Variants in MDH1 observed in about 807,000 individuals in gnomAD.
The protein encoded by MDH1 is malate dehydrogenase 1.
In MDH1, 15 loss-of-function variants were observed where a neutral mutation model predicts 38.7. That is an observed-to-expected ratio of 0.39 (90% CI 0.26 to 0.60). The LOEUF is 0.60. Ranked by LOEUF, MDH1 falls within the 20% of genes least tolerant of loss-of-function variation. The probability of loss-of-function intolerance (pLI) is 0.56; values close to 1 mark genes in which losing one functional copy is unlikely to be tolerated. For missense variants in MDH1, 368 were observed against 405.2 expected (o/e 0.91, Z 0.79); for synonymous variants, 144 against 143.6 (o/e 1.00, Z -0.02).
chr2:63,594,581 G>C lies in MDH1; in HGVS notation c.97G>C (p.Asp33His). ...TGGAAATGGATCTGTCTTTGGTAAA[G>C]ATCAGGTAGGAACAGGTGTCTATAA... ...SIGNGSVFGK[D>H]QPIILVLLDI... The change falls in exon 2 of 9, where the codon GAT becomes CAT. Residue 33 changes from aspartate (D) to histidine (H), a missense_variant. Physicochemically the swap from Asp to His is moderately conservative, Grantham distance 81 (BLOSUM62 -1). Coordinates refer to ENST00000233114, the MANE Select transcript of MDH1 (RefSeq NM_005917.4). 6.2e-7 allele frequency: 1 copy of C among 1,606,544 alleles called. No individual in the cohort carries two copies. Among genetic ancestry groups the C allele is most frequent in the Non-Finnish European group, 8.5e-7 (1 of 1,173,442 alleles).
At chr2:63,589,293 G>T (rs779110136) in intron 1 of MDH1, 2 of 1,550,844 alleles carry the variant, frequency 1.3e-6, no homozygotes, top group South Asian at 2.4e-5. Context: ...TGGGAGAGGA[G>T]CGATCTTAAT....
intron 8 of MDH1, 107 bp downstream of exon 8, chr2:63,606,135 A>C: frequency 9.2e-7 from 1 of 1,085,854 alleles, no homozygotes; most frequent in Non-Finnish European, 1.4e-6. Flanking sequence ...TAATCCCAAC[A>C]CTTTGGAAGG....
chr2:63,589,307 G>A (rs1233455098), intron 1 of MDH1: 1 of 1,550,742 alleles, frequency 6.4e-7, no homozygotes, highest in Admixed American at 2.0e-5. Flanking sequence ...TCTTAATCCT[G>A]CTGCATGACG....
chr2:63,604,578 T>G, intron 5 of MDH1, 118 bp from the exon 6 acceptor site: 2 of 776,278 alleles, frequency 2.6e-6, no homozygotes, highest in Non-Finnish European at 4.0e-6. Flanking sequence ...ATAACTCTTG[T>G]GTTCTCTTGA....
At chr2:63,597,135 T>C (rs1047271340) in intron 3 of MDH1, 7 of 313,912 alleles carry the variant, frequency 2.2e-5, no homozygotes, top group Non-Finnish European at 3.2e-5. Context: ...TTGCATCATA[T>C]ATGATTATAA....
At chr2:63,600,907 A>G (rs1214811684) in intron 5 of MDH1, among the ~76,000 whole-genome samples, 1 of 152,226 alleles carries the variant, frequency 6.6e-6, no homozygotes, top group Non-Finnish European at 1.5e-5. Flanking sequence ...CTACAACAAG[A>G]AAGTTCCTAC....
At chr2:63,589,070 G>A in intron 1 of MDH1, 24 bp downstream of exon 1, 1 of 1,614,200 alleles carries the variant, frequency 6.2e-7, no homozygotes, top group East Asian at 2.2e-5. Context: ...CCGGGTTCCT[G>A]CCCACCTCTG....
chr2:63,590,655 A>G (rs1485533990), intron 1 of MDH1: 1 of 152,178 alleles, frequency 6.6e-6, no homozygotes. Flanking sequence ...GAGGTCAGAT[A>G]ATTTTCCCAA....
intron 7 of MDH1, 123 bp from the exon 8 acceptor site, chr2:63,605,816 T>C (rs1709516279): frequency 2.5e-6 from 2 of 803,628 alleles, no homozygotes; most frequent in Non-Finnish European, 4.4e-6. Flanking sequence ...CTGATGATAG[T>C]TCCTTACACA....
intron 5 of MDH1, among the ~76,000 whole-genome samples, chr2:63,602,902 A>G (rs546444238): frequency 1.4e-5 from 2 of 142,966 alleles, no homozygotes; most frequent in East Asian, 1.9e-4. Flanking sequence ...TCCATTGCCT[A>G]TGTAAGACAT....
chr2:63,602,018 C>G lies in MDH1; in HGVS notation c.499-2678C>G, dbSNP rs76354564. Among the ~76,000 whole-genome samples, 24 of 152,330 alleles carry G rather than the reference C, an allele frequency of 1.6e-4. No individual in the cohort carries two copies. In the East Asian group the frequency reaches 4.4e-3, roughly 28 times the overall value. The stretch of plus-strand genomic sequence containing the variant: ...TCCCACAGGCTAAGCAGATCAATAG[C>G]TGGGTACCCCAGAAACCCAACTGTG... On this transcript the variant is annotated intron_variant, in intron 5 of 8. Coordinates refer to ENST00000233114, the MANE Select transcript of MDH1 (RefSeq NM_005917.4).
chr2:63,605,479 T>A, intron 7 of MDH1, 86 bp downstream of exon 7: 1 of 973,488 alleles, frequency 1.0e-6, no homozygotes, highest in Non-Finnish European at 1.6e-6. Flanking sequence ...GCCTTAGCAG[T>A]CAGTCAGGTT....
intron 4 of MDH1, chr2:63,598,098 A>G (rs1012507242): frequency 3.3e-5 from 5 of 152,004 alleles, no homozygotes; most frequent in African/African-American, 7.2e-5. Context: ...ATATGTCTTA[A>G]TATTACAGTA....
chr2:63,603,498 A>G lies in MDH1; in HGVS notation c.499-1198A>G, dbSNP rs546877187. On this transcript the variant is annotated intron_variant, in intron 5 of 8. Coordinates refer to ENST00000233114, the MANE Select transcript of MDH1 (RefSeq NM_005917.4). ...TGTCACCAAAACAGATCAGCTTCTT[A>G]AAATATTTTTCCACATTCCCTTCTG... is the stretch of plus-strand genomic sequence containing the variant. Among the ~76,000 whole-genome samples the G allele has an allele frequency of 3.3e-5, 5 of 152,204 alleles. No individual in the cohort carries two copies. The South Asian group carries it at 1.0e-3, about 32-fold the overall frequency.
chr2:63,603,016 A>G lies in MDH1; in HGVS notation c.499-1680A>G, dbSNP rs569018443. On this transcript the variant is annotated intron_variant, in intron 5 of 8. Coordinates refer to ENST00000233114, the MANE Select transcript of MDH1 (RefSeq NM_005917.4). The stretch of plus-strand genomic sequence containing the variant: ...GCCCTGTCGCCTAGGCTGGAGTGCA[A>G]TGGCACGATCTCGGCTCACTGCAAC... Among the ~76,000 whole-genome samples the G allele has an allele frequency of 5.5e-5, 7 of 127,410 alleles. No individual in the cohort carries two copies. In the East Asian group the frequency reaches 1.4e-3, roughly 25 times the overall value. The allele number at this position is 127,410 out of a possible 152,430, so 83.6% of individuals were successfully genotyped here. A position where few individuals can be genotyped will look rare whatever the true frequency, so the allele number is the denominator to read the frequency against.
At chr2:63,594,230 G>A (rs575369373) in intron 1 of MDH1, 71 of 564,404 alleles carry the variant, frequency 1.3e-4, no homozygotes, top group Non-Finnish European at 2.3e-4. Flanking sequence ...CTATTTTAGT[G>A]GTAAAATATC....
At chr2:63,592,648 C>T (rs1408089444) in intron 1 of MDH1, among the ~76,000 whole-genome samples, 1 of 152,204 alleles carries the variant, frequency 6.6e-6, no homozygotes, top group Non-Finnish European at 1.5e-5. Context: ...CTGCACTCAG[C>T]CTGAAATAGC....
At chr2:63,589,279 G>A in intron 1 of MDH1, 1 of 1,551,108 alleles carries the variant, frequency 6.4e-7, no homozygotes, top group Non-Finnish European at 8.7e-7. Flanking sequence ...AGAAGTAGTT[G>A]TCCTGGGAGA....
chr2:63,599,708 G>A (rs1355320846), intron 5 of MDH1: 1 of 152,206 alleles, frequency 6.6e-6, no homozygotes, highest in African/African-American at 2.4e-5. Flanking sequence ...CTGCAGCTAA[G>A]CCATCAAATT....
Sources: gnomAD v4.1 joint callset for allele counts (sites outside exome capture counted in the v4.1 genomes callset) on GRCh38, gnomAD v4.1.1 for gene constraint, MANE v1.5 for transcripts, NCBI Gene and HGNC (gene_info 2026-07-23, HGNC 2026-07-21) for gene names.